The following CCDC33 variants were observed in gnomAD, a reference collection of about 807,000 sequenced individuals.
The protein encoded by CCDC33 is coiled-coil domain-containing protein 33.
CCDC33 carries 94 observed loss-of-function variants against 91.9 expected under a neutral mutation model. The observed-to-expected ratio is 1.02, with a 90% confidence interval of 0.87 to 1.21. The LOEUF is 1.21. Ranked by LOEUF, CCDC33 falls within the 50% of genes most tolerant of loss-of-function variation. The pLI is 0.00. For missense variants in CCDC33, 940 were observed against 935.5 expected, an observed-to-expected ratio of 1.00 and a Z score of -0.06; for synonymous variants, 396 against 374.5, an observed-to-expected ratio of 1.06 and a Z score of -0.66.
At chr15:74,327,203 A>G (rs992914571) in intron 11 of CCDC33, among the ~76,000 whole-genome samples, 2 of 152,162 alleles carry the variant, frequency 1.3e-5, no homozygotes, top group Non-Finnish European at 2.9e-5. Flanking sequence ...CTATAGGACT[A>G]GTCTCCGAGG....
chr15:74,203,366 G>A (rs888296471), intron 1 of CCDC33, among the ~76,000 whole-genome samples: 1 of 152,218 alleles, frequency 6.6e-6, no homozygotes, highest in Admixed American at 6.5e-5. Flanking sequence ...GCAAGGGAAG[G>A]TCTGGGCCAG....
intron 11 of CCDC33, among the ~76,000 whole-genome samples, chr15:74,325,490 C>G (rs913991098): frequency 5.3e-5 from 8 of 152,058 alleles, no homozygotes; most frequent in African/African-American, 1.9e-4. Context: ...CCTGTAAGCT[C>G]TCCTCTGTCA....
At chr15:74,267,448 C>T (rs975366551) in intron 4 of CCDC33, among the ~76,000 whole-genome samples, 5 of 152,236 alleles carry the variant, frequency 3.3e-5, no homozygotes, top group African/African-American at 4.8e-5. Flanking sequence ...AGGCTCCTCA[C>T]TCCAAGGTTG....
At chr15:74,264,595 G>GGGGCTTCA (rs2076119426) in intron 3 of CCDC33, among the ~76,000 whole-genome samples, 1 of 152,182 alleles carries the variant, frequency 6.6e-6, no homozygotes, top group Non-Finnish European at 1.5e-5. Flanking sequence ...GTTGGCATAA[G>GGGGCTTCA]GGGCTTCAGC....
intron 7 of CCDC33, among the ~76,000 whole-genome samples, chr15:74,278,446 A>G (rs1181451113): frequency 2.6e-5 from 4 of 152,266 alleles, no homozygotes; most frequent in Admixed American, 6.5e-5. Flanking sequence ...GAGGCAAGGC[A>G]GCCACTTGGT....
intron 2 of CCDC33, among the ~76,000 whole-genome samples, chr15:74,251,311 G>A (rs995984172): frequency 1.3e-5 from 2 of 152,242 alleles, no homozygotes; most frequent in South Asian, 2.1e-4. Context: ...CCTGGGGCTT[G>A]AACAGTACCC....
At chr15:74,280,973 C>T (rs2059350485) in intron 9 of CCDC33, among the ~76,000 whole-genome samples, 172 bp downstream of exon 9, 2 of 152,210 alleles carry the variant, frequency 1.3e-5, no homozygotes, top group African/African-American at 4.8e-5. Context: ...TCCCTGGAAC[C>T]CCAGAAGCCA....
At chr15:74,248,026 G>A (rs1466639793) in intron 2 of CCDC33, among the ~76,000 whole-genome samples, 2 of 152,020 alleles carry the variant, frequency 1.3e-5, no homozygotes, top group Non-Finnish European at 2.9e-5. Flanking sequence ...GCGCTGAGCC[G>A]AGACTGTGCC....
chr15:74,289,051 G>A (rs1054410309), intron 10 of CCDC33, among the ~76,000 whole-genome samples: 1 of 152,184 alleles, frequency 6.6e-6, no homozygotes, highest in Admixed American at 6.5e-5. Context: ...CATCAGGGAT[G>A]AGGACAGGGC....
intron 10 of CCDC33, among the ~76,000 whole-genome samples, chr15:74,295,402 T>C (rs889729398): frequency 6.6e-6 from 1 of 152,076 alleles, no homozygotes; most frequent in Non-Finnish European, 1.5e-5. Flanking sequence ...TTAGATAGAG[T>C]GGGCCTCTAT....
chr15:74,304,696 C>T (rs1349888823), intron 11 of CCDC33, among the ~76,000 whole-genome samples: 2 of 152,304 alleles, frequency 1.3e-5, no homozygotes, highest in Admixed American at 6.5e-5. Flanking sequence ...AGCCCCCAGC[C>T]CTGGAGCTGG....
intron 10 of CCDC33, among the ~76,000 whole-genome samples, chr15:74,284,768 C>T (rs351208): frequency 0.04 from 6,035 of 152,276 alleles, 381 homozygotes; most frequent in African/African-American, 0.13. Flanking sequence ...TAGCTGAGTA[C>T]GGTGATGAGC....
intron 11 of CCDC33, among the ~76,000 whole-genome samples, chr15:74,306,424 C>T (rs988585877): frequency 1.3e-5 from 2 of 152,184 alleles, no homozygotes; most frequent in East Asian, 1.9e-4. Context: ...GCATCAGTGG[C>T]GGTTAGCATG....
intron 11 of CCDC33, among the ~76,000 whole-genome samples, chr15:74,323,308 AT>A (rs2060242800): frequency 6.6e-6 from 1 of 151,896 alleles, no homozygotes; most frequent in Non-Finnish European, 1.5e-5. Flanking sequence ...AATGTAACCC[AT>A]TTCACAATTT....
rs747392793 is a variant in CCDC33 at position 74,268,352 on chromosome 15, C to A, written c.440C>A (p.Ser147Tyr). The A allele has an allele frequency of 1.8e-5, 29 of 1,613,260 alleles. No homozygotes were observed. The highest frequency in any genetic ancestry group is 2.3e-5 in the Non-Finnish European group (27 of 1,179,410). Residue 147 changes from serine to tyrosine, a missense_variant, in exon 5 of 19, where the codon TCT becomes TAT. By Grantham distance (144) the Ser-to-Tyr change is moderately radical. Coordinates refer to ENST00000398814, the MANE Select transcript of CCDC33 (RefSeq NM_025055.5). ...YHFELVKPTE[S>Y]GKADEATAKT... The stretch of plus-strand genomic sequence containing the variant: ...CAACCCTGTCTCCAGCCCACTGAGT[C>A]TGGGAAAGCCGATGAAGCCACTGCC...
intron 11 of CCDC33, among the ~76,000 whole-genome samples, chr15:74,321,681 T>C (rs2060210142): frequency 6.6e-6 from 1 of 152,150 alleles, no homozygotes; most frequent in African/African-American, 2.4e-5. Context: ...ATTACAGGCG[T>C]GAACCACCGC....
Position 74,218,418 on chromosome 15 carries a change from G to A in CCDC33, c.311-79G>A. The stretch of plus-strand genomic sequence containing the variant: ...TCTGGGCAGCCCAGGTTTCCCCAGG[G>A]CCCTGCCTGTCCTCCTAGTCACCTG... On this transcript the variant is annotated intron_variant, in intron 1 of 2. Coordinates refer to the CCDC33 transcript ENST00000635913. The surrounding 1 kb of genome is among the most constrained non-coding windows in gnomAD (Gnocchi z 4.8). The A allele has an allele frequency of 3.3e-6, 4 of 1,214,368 alleles. No homozygotes were observed. The highest frequency in any genetic ancestry group is 4.2e-6 in the Non-Finnish European group (4 of 947,926). The allele number at this position is 1,214,368 out of a possible 1,614,324, so 75.2% of individuals were successfully genotyped here. A position where few individuals can be genotyped will look rare whatever the true frequency, so the allele number is the denominator to read the frequency against.
intron 11 of CCDC33, among the ~76,000 whole-genome samples, chr15:74,329,542 A>G (rs2060382794): frequency 6.6e-6 from 1 of 152,228 alleles, no homozygotes; most frequent in African/African-American, 2.4e-5. Flanking sequence ...CTCAATGAGC[A>G]TCAGACATTA....
intron 11 of CCDC33, among the ~76,000 whole-genome samples, chr15:74,309,544 C>T (rs1844897841): frequency 1.3e-5 from 2 of 152,200 alleles, no homozygotes; most frequent in Non-Finnish European, 2.9e-5. Context: ...GCCCTTATCC[C>T]CAGGCTGGCT....
Sources: allele counts gnomAD v4.1 joint callset (sites outside exome capture counted in the v4.1 genomes callset), GRCh38; gene constraint gnomAD v4.1.1; non-coding constraint Gnocchi (gnomAD v3.1); transcripts MANE v1.5; gene names NCBI Gene and HGNC (gene_info 2026-07-23, HGNC 2026-07-21).